Variants in SLC16A4 observed in about 807,000 individuals in gnomAD.
The protein encoded by SLC16A4 is probable monocarboxylate transporter 5.
SLC16A4 carries 39 observed loss-of-function variants against 47.9 expected under a neutral mutation model. That is an observed-to-expected ratio of 0.81 (90% CI 0.63 to 1.06). SLC16A4 has a LOEUF of 1.06. SLC16A4 is among the 50% of genes least tolerant of loss of function. The pLI, the probability that SLC16A4 is intolerant of heterozygous loss-of-function variation, is 0.00. For synonymous variants in SLC16A4, 189 were observed against 199.9 expected, an observed-to-expected ratio of 0.95 and a Z score of 0.46; for missense variants, 524 against 573.8, an observed-to-expected ratio of 0.91 and a Z score of 0.89.
chr1:110,382,708 C>T (rs373143833), intron 3 of SLC16A4, 126 bp downstream of exon 3: 7 of 932,894 alleles, frequency 7.5e-6, no homozygotes, highest in South Asian at 3.0e-5. Context: ...ACTTTCTCAG[C>T]GTTACATATC....
In SLC16A4 at chr1:110,389,619, T is replaced by C. The variant is rs187912812; in HGVS notation, c.-32-264A>G. Among the ~76,000 whole-genome samples, 7 of 152,332 alleles carry C rather than the reference T, an allele frequency of 4.6e-5. No homozygotes were observed. The East Asian group carries it at 1.4e-3, about 29-fold the overall frequency. On this transcript the variant is annotated intron_variant, in intron 1 of 8. Coordinates refer to ENST00000369779, the MANE Select transcript of SLC16A4 (RefSeq NM_004696.3). Reference sequence around the variant, plus strand: ...TGCACTTTTATGTTCACTGCAGCATTATTCACAATAGCAAAGACATGGAAT... The same window carrying C: ...TGCACTTTTATGTTCACTGCAGCATCATTCACAATAGCAAAGACATGGAAT...
chr1:110,364,478 T>C (rs1277630447), intron 8 of SLC16A4, among the ~76,000 whole-genome samples: 3 of 149,888 alleles, frequency 2.0e-5, no homozygotes, highest in Admixed American at 1.3e-4. Flanking sequence ...CAATGACAAG[T>C]TCCCCCCTGA....
At chr1:110,369,739 G>A (rs1327888491) in intron 8 of SLC16A4, among the ~76,000 whole-genome samples, 1 of 152,170 alleles carries the variant, frequency 6.6e-6, no homozygotes, top group East Asian at 1.9e-4. Flanking sequence ...AAATTTCCAA[G>A]GTGTGCAAAG....
Position 110,389,229 on chromosome 1 carries a change from A to C in SLC16A4, c.87+8T>G. 1 of 1,611,122 alleles carries C rather than the reference A, an allele frequency of 6.2e-7. No individual in the cohort carries two copies. Among genetic ancestry groups the C allele is most frequent in the South Asian group, 1.1e-5 (1 of 91,024 alleles). ...CAATAGGAAAGGGGGAAAAAAGTGA[A>C]TTCTTACCAGGAAAAAATGAATCAC... is the stretch of plus-strand genomic sequence containing the variant. On this transcript the variant is annotated splice_region_variant and intron_variant, in intron 2 of 8. Transcript: ENST00000369779.
At chr1:110,379,404 A>C in intron 5 of SLC16A4, 48 bp from the exon 6 acceptor site, 2 of 1,528,236 alleles carry the variant, frequency 1.3e-6, no homozygotes. Flanking sequence ...TCAGTTCACA[A>C]TACTGCTTTG....
At chr1:110,364,216 A>G (rs900352098) in intron 8 of SLC16A4, among the ~76,000 whole-genome samples, 2 of 152,240 alleles carry the variant, frequency 1.3e-5, no homozygotes, top group African/African-American at 2.4e-5. Context: ...AAAAGAAGTG[A>G]TAATAATCAG....
Position 110,363,453 on chromosome 1 carries a change from C to T in SLC16A4, c.*313G>A, listed in dbSNP as rs943038104. 26 of 170,748 alleles carry T rather than the reference C, an allele frequency of 1.5e-4. No homozygotes were observed. Among genetic ancestry groups the T allele is most frequent in the East Asian group, 1.0e-3 (6 of 5,918 alleles). The allele number at this position is 170,748 out of a possible 1,614,324, so 10.6% of individuals were successfully genotyped here. On this transcript the variant is annotated 3_prime_UTR_variant, in exon 9 of 9. Coordinates refer to ENST00000369779, the MANE Select transcript of SLC16A4 (RefSeq NM_004696.3). ...CATCCTGGCTAACATGGTGAAACCC[C>T]GCCTCTACTAAAAATACAAAAAATT...
chr1:110,387,453 G>A (rs530904728), intron 2 of SLC16A4, among the ~76,000 whole-genome samples: 2 of 152,330 alleles, frequency 1.3e-5, no homozygotes, highest in East Asian at 1.9e-4. Context: ...AGAAACAAAA[G>A]CACAGTCATT....
chr1:110,377,537 T>C (rs1362498086), intron 6 of SLC16A4, among the ~76,000 whole-genome samples: 7 of 152,170 alleles, frequency 4.6e-5, no homozygotes, highest in Non-Finnish European at 1.0e-4. Context: ...AAAAGACAAA[T>C]AGACCTTCAG....
chr1:110,379,014 AGTT>A lies in SLC16A4; in HGVS notation c.866_868del (p.Gln289del). 1 of 1,614,212 alleles carries A rather than the reference AGTT, an allele frequency of 6.2e-7. No homozygotes were observed. The highest frequency in any genetic ancestry group is 1.1e-5 in the South Asian group (1 of 91,088). On this transcript the variant is annotated inframe_deletion, in exon 6 of 9. Transcript: ENST00000369779. The stretch of plus-strand genomic sequence containing the variant: ...ATTTCTAAAGAGAGAAATGTCAAAC[AGTT>A]GTTTGCAGCTCCACGAAATAACCTT...
chr1:110,383,821 T>TTTG (rs1483964770), intron 2 of SLC16A4, among the ~76,000 whole-genome samples: 1 of 135,996 alleles, frequency 7.4e-6, no homozygotes, highest in Non-Finnish European at 1.6e-5. Context: ...TTTTTTTTTT[T>TTTG]TTTTTTTTTT....
chr1:110,373,896 G>A (rs1460361497), intron 8 of SLC16A4, among the ~76,000 whole-genome samples: 3 of 150,604 alleles, frequency 2.0e-5, no homozygotes, highest in African/African-American at 7.3e-5. Context: ...AGGCTGGTCT[G>A]GAACTCCTGG....
chr1:110,375,581 T>A, intron 7 of SLC16A4, 30 bp from the exon 8 acceptor site: 1 of 1,274,608 alleles, frequency 7.8e-7, no homozygotes. Flanking sequence ...GTGTTAGCCA[T>A]ATTAAGGGTG....
rs1298372937 is a variant in SLC16A4, at chr1:110,376,970, C to T, written c.1222G>A (p.Ala408Thr). 1.9e-6 allele frequency: 3 copies of T among 1,613,798 alleles called. No individual in the cohort carries two copies. In the South Asian group the frequency reaches 3.3e-5, roughly 18 times the overall value. Residue 408 changes from alanine (A) to threonine (T), a missense_variant, in exon 7 of 9, where the codon GCA becomes ACA. Transcript: ENST00000369779. The stretch of plus-strand genomic sequence containing the variant: ...CTCACCAGTACAGGCAGTATCAATG[C>T]CAGGTAACCACCAGCAAAGATGGCA... The part of the protein sequence containing the change: ...CFAIFAGGYL[A>T]LILPVLVDLC...
intron 2 of SLC16A4, 43 bp from the exon 3 acceptor site, chr1:110,383,009 G>A (rs1662505846): frequency 6.6e-7 from 1 of 1,524,924 alleles, no homozygotes; most frequent in South Asian, 1.3e-5. Context: ...TGGTAAGTGA[G>A]CCATTACAGA....
At chr1:110,390,421 T>TG (rs1557918350) in intron 1 of SLC16A4, among the ~76,000 whole-genome samples, 1 of 152,218 alleles carries the variant, frequency 6.6e-6, no homozygotes, top group Non-Finnish European at 1.5e-5. Flanking sequence ...ACCCGCTTAT[T>TG]GAATATATCC....
rs183317267 is a variant in SLC16A4 at position 110,364,791 on chromosome 1, G to A, written c.1337-898C>T. Among the ~76,000 whole-genome samples, 8 of 152,118 alleles carry A rather than the reference G, an allele frequency of 5.3e-5. No individual in the cohort carries two copies. The East Asian group carries it at 9.7e-4, about 18-fold the overall frequency. On this transcript the variant is annotated intron_variant, in intron 8 of 8. Coordinates refer to ENST00000369779, the MANE Select transcript of SLC16A4 (RefSeq NM_004696.3). ...CTCCCAAAGTGCTGGGATTATAAGC[G>A]TGAGCCACTGCACCTGGTCCTAAGT...
chr1:110,374,358 AG>A (rs1557905026), intron 8 of SLC16A4, among the ~76,000 whole-genome samples: 3 of 152,202 alleles, frequency 2.0e-5, no homozygotes, highest in African/African-American at 7.2e-5. Flanking sequence ...CAGTCTTAAG[AG>A]GTATAAACTT....
intron 2 of SLC16A4, among the ~76,000 whole-genome samples, chr1:110,386,238 A>C (rs1328213628): frequency 6.6e-6 from 1 of 152,232 alleles, no homozygotes; most frequent in Non-Finnish European, 1.5e-5. Flanking sequence ...GACCAAGGGC[A>C]GAGCCTTTGC....
Sources: allele counts gnomAD v4.1 joint callset (sites outside exome capture counted in the v4.1 genomes callset), GRCh38; gene constraint gnomAD v4.1.1; transcripts MANE v1.5; gene names NCBI Gene and HGNC (gene_info 2026-07-23, HGNC 2026-07-21).